Variants in SCAPER observed in about 807,000 individuals in gnomAD.
SCAPER encodes the protein S phase cyclin A-associated protein in the endoplasmic reticulum.
Under a neutral mutation model 182.2 loss-of-function variants are expected in SCAPER, and 98 were observed. The observed-to-expected ratio is 0.54, with a 90% CI of 0.46 to 0.64. SCAPER has a LOEUF of 0.64. Ranked by LOEUF, SCAPER falls within the 30% of genes least tolerant of loss-of-function variation. The pLI is 0.00. For missense variants in SCAPER, 1,432 were observed against 1,690.0 expected, an observed-to-expected ratio of 0.85 and a Z score of 2.68; for synonymous variants, 605 against 564.6, an observed-to-expected ratio of 1.07 and a Z score of -1.01.
intron 26 of SCAPER, among the ~76,000 whole-genome samples, chr15:76,431,704 A>AAAAAAAAAAAAAC (rs61401621): frequency 1.6e-5 from 2 of 127,514 alleles, no homozygotes; most frequent in African/African-American, 5.4e-5. Context: ...AAAAAAAAAA[A>AAAAAAAAAAAAAC]TGCTTTGTTT....
chr15:76,474,007 C>T lies in SCAPER; in HGVS notation c.2955-2672G>A, dbSNP rs182554871. ...TTATGTTTTTAGTAGAGACAGGTTT[C>T]CTCTTGTTGGCCAGGCTGGTCTCGA... On this transcript the variant is annotated intron_variant, in intron 24 of 31. Transcript: ENST00000563290. Among the ~76,000 whole-genome samples, 860 of 152,152 alleles carry T rather than the reference C, an allele frequency of 5.7e-3. 4 individuals are homozygous for T. Among genetic ancestry groups the T allele is most frequent in the Middle Eastern group, 0.01 (3 of 294 alleles).
At chr15:76,832,964 AC>A (rs2068631662) in intron 5 of SCAPER, among the ~76,000 whole-genome samples, 1 of 152,178 alleles carries the variant, frequency 6.6e-6, no homozygotes, top group East Asian at 1.9e-4. Context: ...ATGAACTAAT[AC>A]TCAGAAACTG....
At chr15:76,789,322 C>T (rs2064843551) in intron 8 of SCAPER, among the ~76,000 whole-genome samples, 1 of 152,080 alleles carries the variant, frequency 6.6e-6, no homozygotes, top group African/African-American at 2.4e-5. Flanking sequence ...AAGCATTTAA[C>T]AAAAGATCTC....
At chr15:76,622,915 G>C (rs1316735799) in intron 21 of SCAPER, among the ~76,000 whole-genome samples, 1 of 152,182 alleles carries the variant, frequency 6.6e-6, no homozygotes, top group African/African-American at 2.4e-5. Context: ...CACAGGGGTG[G>C]ATCTCTCATT....
At chr15:76,375,283 TA>T (rs1302214832) in intron 29 of SCAPER, among the ~76,000 whole-genome samples, 1 of 151,156 alleles carries the variant, frequency 6.6e-6, no homozygotes, top group Non-Finnish European at 1.5e-5. Context: ...TTTTTTTTTT[TA>T]AATCTATGAA....
chr15:76,455,571 G>C (rs1448697324), intron 25 of SCAPER, among the ~76,000 whole-genome samples: 2 of 152,106 alleles, frequency 1.3e-5, no homozygotes, highest in Non-Finnish European at 2.9e-5. Context: ...TTGAACTCTT[G>C]TGCTCAAGCA....
chr15:76,834,669 A>T (rs2068778842), intron 5 of SCAPER, among the ~76,000 whole-genome samples: 1 of 152,178 alleles, frequency 6.6e-6, no homozygotes, highest in African/African-American at 2.4e-5. Context: ...AGGTAGATTA[A>T]TAAAGAAAAA....
chr15:76,371,431 T>G (rs988177716), intron 29 of SCAPER, among the ~76,000 whole-genome samples: 5 of 151,664 alleles, frequency 3.3e-5, no homozygotes, highest in Non-Finnish European at 7.4e-5. Flanking sequence ...GCAGTCCTCC[T>G]GCCTCAGCCT....
chr15:76,709,001 G>A (rs541151644), intron 17 of SCAPER, among the ~76,000 whole-genome samples: 81 of 152,242 alleles, frequency 5.3e-4, no homozygotes, highest in Non-Finnish European at 9.0e-4. Flanking sequence ...GGTAGGGGGA[G>A]ATTATGGTGA....
intron 5 of SCAPER, among the ~76,000 whole-genome samples, chr15:76,810,392 T>C (rs2066499102): frequency 6.6e-6 from 1 of 151,926 alleles, no homozygotes; most frequent in East Asian, 1.9e-4. Flanking sequence ...AGAGACTTCT[T>C]GAATGCAAGG....
intron 23 of SCAPER, among the ~76,000 whole-genome samples, chr15:76,507,929 T>C (rs1033127555): frequency 6.6e-6 from 1 of 152,212 alleles, no homozygotes; most frequent in African/African-American, 2.4e-5. Context: ...AAGCTCTGTA[T>C]TATCATATAA....
chr15:76,696,008 A>C (rs1213609991), intron 20 of SCAPER, among the ~76,000 whole-genome samples: 1 of 152,238 alleles, frequency 6.6e-6, no homozygotes, highest in African/African-American at 2.4e-5. Context: ...ATTTTAAATT[A>C]CTTCTAGTTT....
intron 26 of SCAPER, among the ~76,000 whole-genome samples, chr15:76,433,364 C>T (rs553574250): frequency 3.1e-4 from 47 of 152,106 alleles, no homozygotes; most frequent in Admixed American, 5.2e-4. Flanking sequence ...AAAAATTAGC[C>T]AGGCATGGTG....
chr15:76,362,733 CT>C (rs2041532339), intron 29 of SCAPER, among the ~76,000 whole-genome samples: 3 of 152,162 alleles, frequency 2.0e-5, no homozygotes, highest in African/African-American at 7.2e-5. Context: ...CTTTCTCTCT[CT>C]TATATAATCT....
At chr15:76,416,212 C>T (rs778468215) in intron 26 of SCAPER, among the ~76,000 whole-genome samples, 6 of 152,002 alleles carry the variant, frequency 3.9e-5, no homozygotes, top group South Asian at 4.1e-4. Flanking sequence ...CGGTGGCTCA[C>T]GCCTGTAATC....
intron 24 of SCAPER, among the ~76,000 whole-genome samples, chr15:76,504,192 T>A (rs2041388319): frequency 6.6e-6 from 1 of 152,148 alleles, no homozygotes; most frequent in Non-Finnish European, 1.5e-5. Context: ...CCTGCCTAAA[T>A]GAACTTTTAT....
chr15:76,611,560 C>T (rs1036572463), intron 22 of SCAPER, among the ~76,000 whole-genome samples: 1 of 152,118 alleles, frequency 6.6e-6, no homozygotes, highest in Non-Finnish European at 1.5e-5. Flanking sequence ...AGGAGGGACT[C>T]CACCTTAACA....
intron 22 of SCAPER, among the ~76,000 whole-genome samples, chr15:76,592,461 T>C (rs1208145840): frequency 8.2e-6 from 1 of 122,506 alleles, no homozygotes; most frequent in African/African-American, 2.5e-5. Context: ...ATATAGACCC[T>C]CACTTTAGGC....
At chr15:76,640,522 G>A (rs193071165) in intron 21 of SCAPER, among the ~76,000 whole-genome samples, 1 of 152,134 alleles carries the variant, frequency 6.6e-6, no homozygotes, top group South Asian at 2.1e-4. Flanking sequence ...TCTCTAAGGG[G>A]TTATCTAATC....
Sources: gnomAD v4.1 joint callset for allele counts (sites outside exome capture counted in the v4.1 genomes callset) on GRCh38, gnomAD v4.1.1 for gene constraint, MANE v1.5 for transcripts, NCBI Gene and HGNC (gene_info 2026-07-23, HGNC 2026-07-21) for gene names.